INPPL1: variants seen among roughly 807,000 people sequenced by gnomAD.
INPPL1 encodes phosphatidylinositol 3,4,5-trisphosphate 5-phosphatase 2.
A neutral mutation model predicts 139.3 loss-of-function variants in INPPL1; 91 were observed. The observed-to-expected ratio is 0.65, with a 90% CI of 0.55 to 0.78. The LOEUF is 0.78. Among genes scored for constraint, INPPL1 ranks in the 30% least tolerant of loss-of-function variants. The pLI, the probability that INPPL1 is intolerant of heterozygous loss-of-function variation, is 0.00. For synonymous variants in INPPL1, 719 were observed against 686.6 expected (o/e 1.05, Z -0.74); for missense variants, 1,411 against 1,665.6 (o/e 0.85, Z 2.66).
Position 72,237,597 on chromosome 11 carries a change from A to C in INPPL1, c.3353A>C (p.Asp1118Ala). 1 of 1,600,698 alleles carries C rather than the reference A, an allele frequency of 6.2e-7. No individual in the cohort carries two copies. The highest frequency in any genetic ancestry group is 8.5e-7 in the Non-Finnish European group (1 of 1,171,134). The change falls in exon 26 of 28, where the codon GAC (aspartate) becomes GCC (alanine). Residue 1118 changes from aspartate (D) to alanine (A), a missense_variant. Physicochemically the swap from Asp to Ala is moderately radical, Grantham distance 126. Around this residue, in one of 5 missense-constraint regions of INPPL1, gnomAD observed 438 missense variants for 425.7 expected, o/e 1.03. Coordinates refer to ENST00000298229, the MANE Select transcript of INPPL1 (RefSeq NM_001567.4). ...TFLGEVASGD[D>A]RSCSVLQMAK... ...CTGGGGGAAGTGGCCAGTGGGGATGACCGGTCCTGCTCGGTGCTGCAGATG... is the reference window on the plus strand; with the variant it reads ...CTGGGGGAAGTGGCCAGTGGGGATGCCCGGTCCTGCTCGGTGCTGCAGATG...
chr11:72,224,185 G>A (rs779738466), upstream of INPPL1, among the ~76,000 whole-genome samples: 1 of 152,096 alleles, frequency 6.6e-6, no homozygotes, highest in Admixed American at 6.5e-5. Flanking sequence ...CCCCGCCAGA[G>A]TAAGAATCTT....
At chr11:72,233,374 G>T (rs1948890615) in intron 17 of INPPL1, 67 bp from the exon 18 acceptor site, 1 of 1,373,858 alleles carries the variant, frequency 7.3e-7, no homozygotes. Flanking sequence ...ATCAGCTCTG[G>T]AGTGGGGTCC....
At position 72,230,175 on chromosome 11, in the gene INPPL1, T is replaced by G; in HGVS notation, c.994T>G (p.Phe332Val). The change falls in exon 9 of 28, where the codon TTC becomes GTC. Residue 332 changes from phenylalanine to valine, a missense_variant. Phe to Val is a conservative substitution (Grantham distance 50, BLOSUM62 -1). Transcript: ENST00000298229. ...GACCAAGATTGGGAAGTCACAGAAG[T>G]TCACGCTGAGCGTGGATGTGGAGGG... is the stretch of plus-strand genomic sequence containing the variant. ...DLTKIGKSQK[F>V]TLSVDVEGGR... The G allele has an allele frequency of 6.2e-7, 1 of 1,612,000 alleles. No homozygotes were observed. The highest frequency in any genetic ancestry group is 8.5e-7 in the Non-Finnish European group (1 of 1,178,506).
intron 1 of INPPL1, chr11:72,225,563 G>T (rs1948647297): frequency 1.0e-6 from 1 of 981,374 alleles, no homozygotes; most frequent in Non-Finnish European, 1.2e-6. Context: ...GGGAGTCGGG[G>T]CAGAGGGACT....
Position 72,231,487 on chromosome 11 carries a change from T to C in INPPL1, c.1498-11T>C, listed in dbSNP as rs759410679. 1 of 1,597,668 alleles carries C rather than the reference T, an allele frequency of 6.3e-7. No homozygotes were observed. The highest frequency in any genetic ancestry group is 8.6e-7 in the Non-Finnish European group (1 of 1,165,346). On this transcript the variant is annotated splice_polypyrimidine_tract_variant and intron_variant, in intron 12 of 27. Coordinates refer to ENST00000298229, the MANE Select transcript of INPPL1 (RefSeq NM_001567.4). ...CAGCAGGGCAGTGGTGACCATGCAC[T>C]CTCTACCCAGATTGCCATGCAATCA...
rs1948827859 is a variant in INPPL1, at chr11:72,231,292, T to A, written c.1497+103T>A. The A allele has an allele frequency of 3.4e-6, 4 of 1,160,142 alleles. No individual in the cohort carries two copies. The South Asian group carries it at 5.6e-5, about 16-fold the overall frequency. 71.9% of individuals were successfully genotyped at this position (1,160,142 alleles called of 1,614,324 possible). ...CCCTGGGAGCACAGCTTCACTGGCT[T>A]TTTCTCTGGTCCCTGAGCATATCCT... is the stretch of plus-strand genomic sequence containing the variant. On this transcript the variant is annotated intron_variant, in intron 12 of 27. Transcript: ENST00000298229.
At position 72,238,878 on chromosome 11, in the gene INPPL1, T is replaced by G. The variant is rs1327544864; in HGVS notation, c.*525T>G. ...TCTGGGGAGGGAGAGCACCTTAATATTATTGGGGTTGGTTGGGGTGGGGCA... is the reference window on the plus strand; with the variant it reads ...TCTGGGGAGGGAGAGCACCTTAATAGTATTGGGGTTGGTTGGGGTGGGGCA... On this transcript the variant is annotated 3_prime_UTR_variant, in exon 28 of 28. Transcript: ENST00000298229. 1 of 152,562 alleles carries G rather than the reference T, an allele frequency of 6.6e-6. No individual in the cohort carries two copies. Among genetic ancestry groups the G allele is most frequent in the Non-Finnish European group, 1.5e-5 (1 of 68,168 alleles). 9.5% of individuals were successfully genotyped at this position (152,562 alleles called of 1,614,324 possible). A position where few individuals can be genotyped will look rare whatever the true frequency, so the allele number is the denominator to read the frequency against.
chr11:72,232,167 T>C, intron 13 of INPPL1, 73 bp from the exon 14 acceptor site: 1 of 1,215,142 alleles, frequency 8.2e-7, no homozygotes, highest in Non-Finnish European at 1.2e-6. Flanking sequence ...CACTGCAGCT[T>C]TGAGAGGCAG....
Position 72,228,752 on chromosome 11 carries a change from G to GC in INPPL1, c.428dup (p.Arg144AlafsTer21). On this transcript the variant is annotated frameshift_variant, in exon 4 of 28. Coordinates refer to ENST00000298229, the MANE Select transcript of INPPL1 (RefSeq NM_001567.4). LOFTEE classifies it high-confidence loss of function. The surrounding 1 kb of genome is among the most constrained non-coding windows in gnomAD (Gnocchi z 5.0). Reference sequence around the variant, plus strand: ...ATGGGGAGGATGAGAAGCCCCCGCTGCCCCCGCGCTCTGGCTCCACCAGCA... The same window carrying GC: ...ATGGGGAGGATGAGAAGCCCCCGCTGCCCCCCGCGCTCTGGCTCCACCAGCA... The GC allele has an allele frequency of 6.2e-7, 1 of 1,608,174 alleles. No individual in the cohort carries two copies.
chr11:72,235,590 C>G lies in INPPL1; in HGVS notation c.2660-85C>G. On this transcript the variant is annotated intron_variant, in intron 23 of 27. Coordinates refer to ENST00000298229, the MANE Select transcript of INPPL1 (RefSeq NM_001567.4). The surrounding 1 kb of genome is among the most constrained non-coding windows in gnomAD (Gnocchi z 4.9). Reference sequence around the variant, plus strand: ...GGAATAGTCCTGCCCCAAGGCATAGCTGGGAAAGGGCTGGCAGGCCCACTG... The same window carrying G: ...GGAATAGTCCTGCCCCAAGGCATAGGTGGGAAAGGGCTGGCAGGCCCACTG... The G allele has an allele frequency of 1.9e-6, 3 of 1,577,954 alleles. No individual in the cohort carries two copies. Among genetic ancestry groups the G allele is most frequent in the Non-Finnish European group, 2.6e-6 (3 of 1,153,792 alleles).
Position 72,228,901 on chromosome 11 carries a change from A to T in INPPL1, c.518+54A>T. Reference sequence around the variant, plus strand: ...GGAGACCCTTTCTCCTCTGAGAACTATTTCCCTACCAAAGGTGGGGAGGCC... The same window carrying T: ...GGAGACCCTTTCTCCTCTGAGAACTTTTTCCCTACCAAAGGTGGGGAGGCC... On this transcript the variant is annotated intron_variant, in intron 4 of 27. Coordinates refer to ENST00000298229, the MANE Select transcript of INPPL1 (RefSeq NM_001567.4). This position sits in a 1 kb window ranked among gnomAD's most constrained non-coding sequence, Gnocchi z 5.0. 6.5e-7 allele frequency: 1 copy of T among 1,529,208 alleles called. No individual in the cohort carries two copies. Among genetic ancestry groups the T allele is most frequent in the Non-Finnish European group, 8.8e-7 (1 of 1,138,800 alleles). The allele number at this position is 1,529,208 out of a possible 1,614,324, so 94.7% of individuals were successfully genotyped here.
At chr11:72,226,982 T>C (rs1416185374) in intron 1 of INPPL1, among the ~76,000 whole-genome samples, 1 of 152,144 alleles carries the variant, frequency 6.6e-6, no homozygotes, top group East Asian at 1.9e-4. Context: ...GCCAGCTGAC[T>C]CTGGCTCTTC....
At position 72,235,093 on chromosome 11, in the gene INPPL1, C is replaced by T. The variant is rs1948947457; in HGVS notation, c.2416-23C>T. The T allele has an allele frequency of 6.2e-7, 1 of 1,601,432 alleles. No individual in the cohort carries two copies. Among genetic ancestry groups the T allele is most frequent in the Non-Finnish European group, 8.5e-7 (1 of 1,171,196 alleles). ...GAGGAAGTGGCGGGGCTTTGTTCCT[C>T]ACTGGGCCTCCCTGCTTCCCAGCTC... On this transcript the variant is annotated intron_variant, in intron 21 of 27. Coordinates refer to ENST00000298229, the MANE Select transcript of INPPL1 (RefSeq NM_001567.4). This position sits in a 1 kb window ranked among gnomAD's most constrained non-coding sequence, Gnocchi z 4.9.
chr11:72,233,810 A>G (rs923517421), intron 19 of INPPL1, 66 bp downstream of exon 19: 47 of 1,300,414 alleles, frequency 3.6e-5, no homozygotes, highest in Middle Eastern at 3.7e-4. Flanking sequence ...TGGCCTCGGG[A>G]TGTACATAGG....
chr11:72,231,359 C>G, intron 12 of INPPL1, 139 bp from the exon 13 acceptor site: 1 of 910,830 alleles, frequency 1.1e-6, no homozygotes, highest in Non-Finnish European at 1.7e-6. Flanking sequence ...CGAGAGGAAC[C>G]ATTTCTCTCC....
intron 13 of INPPL1, 124 bp from the exon 14 acceptor site, chr11:72,232,116 C>G: frequency 1.3e-6 from 1 of 772,740 alleles, no homozygotes; most frequent in Non-Finnish European, 2.2e-6. Context: ...AGGGGCCTGC[C>G]CATGTCACAG....
intron 12 of INPPL1, 29 bp downstream of exon 12, chr11:72,231,218 C>G (rs1322359235): frequency 6.3e-7 from 1 of 1,586,574 alleles, no homozygotes; most frequent in Non-Finnish European, 8.6e-7. Flanking sequence ...GTCCAGGACC[C>G]TGTCCTCACA....
chr11:72,234,570 C>T lies in INPPL1; in HGVS notation c.2370C>T (p.Asn790=), dbSNP rs1948927931. 2 of 1,613,014 alleles carry T rather than the reference C, an allele frequency of 1.2e-6. No individual in the cohort carries two copies. The highest frequency in any genetic ancestry group is 1.7e-6 in the Non-Finnish European group (2 of 1,179,212). ...AGAATGATGCCCAGAGCAGTGACAA[C>T]ATCAACTTCCTCAAAGTGCAGTGGT... is the stretch of plus-strand genomic sequence containing the variant. The part of the protein sequence containing the change: ...SFENDAQSSD[N]INFLKVQWSS... The change falls in exon 21 of 28, where the codon AAC becomes AAT. Residue 790 remains asparagine (N), a synonymous_variant. Transcript: ENST00000298229. The surrounding 1 kb of genome is among the most constrained non-coding windows in gnomAD (Gnocchi z 4.2).
In INPPL1 at chr11:72,229,736, C is replaced by G. The variant is rs1415696831; in HGVS notation, c.827C>G (p.Ser276Ter). The G allele has an allele frequency of 3.1e-6, 5 of 1,613,926 alleles. No individual in the cohort carries two copies. The highest frequency in any genetic ancestry group is 3.4e-6 in the Non-Finnish European group (4 of 1,179,972). ...CTGTCAGTGCTAAAGGACTTCCTGT[C>G]AGGCATCCAGAAGAAGGTGGCATGA... The part of the protein sequence containing the change: ...LKLSVLKDFL[S>*]GIQKKALKAL... The change falls in exon 7 of 28, where the codon TCA becomes TGA. Residue 276 changes from serine to a stop codon, truncating the protein, a stop_gained. Transcript: ENST00000298229. LOFTEE classifies it high-confidence loss of function.
Sources: allele counts gnomAD v4.1 joint callset (sites outside exome capture counted in the v4.1 genomes callset), GRCh38; gene constraint gnomAD v4.1.1; regional missense constraint gnomAD v4.1.1; non-coding constraint Gnocchi (gnomAD v3.1); transcripts MANE v1.5; gene names NCBI Gene and HGNC (gene_info 2026-07-23, HGNC 2026-07-21).